Variants in ST7L observed in about 807,000 individuals in gnomAD.
ST7L encodes the protein suppressor of tumorigenicity 7 protein-like.
A neutral mutation model predicts 72.5 loss-of-function variants in ST7L; 57 were observed. The observed-to-expected ratio is 0.79, with a 90% CI of 0.64 to 0.98. The LOEUF (loss-of-function observed/expected upper bound fraction) is 0.98. ST7L is among the 50% of genes least tolerant of loss of function. The pLI, the probability that ST7L is intolerant of heterozygous loss-of-function variation, is 0.00. For synonymous variants in ST7L, 221 were observed against 240.9 expected, an observed-to-expected ratio of 0.92 and a Z score of 0.77; for missense variants, 576 against 672.2, an observed-to-expected ratio of 0.86 and a Z score of 1.58.
intron 6 of ST7L, among the ~76,000 whole-genome samples, chr1:112,584,453 A>G (rs1184751044): frequency 1.3e-5 from 2 of 151,878 alleles, no homozygotes; most frequent in Non-Finnish European, 2.9e-5. Flanking sequence ...AAGATTTATA[A>G]AGAATTATCT....
Position 112,525,721 on chromosome 1 carries a change from G to A in ST7L, c.*292C>T. The A allele has an allele frequency of 3.8e-6, 1 of 264,926 alleles. No individual in the cohort carries two copies. The highest frequency in any genetic ancestry group is 7.2e-6 in the Non-Finnish European group (1 of 138,834). The allele number at this position is 264,926 out of a possible 1,614,324, so 16.4% of individuals were successfully genotyped here. ...TTGACCAAAGGAGCCAAAATGCGGT[G>A]ACTTGACTTCAACCCCAACAGCCCC... On this transcript the variant is annotated 3_prime_UTR_variant, in exon 15 of 15. Transcript: ENST00000358039.
intron 2 of ST7L, among the ~76,000 whole-genome samples, 165 bp from the exon 3 acceptor site, chr1:112,611,168 C>A (rs879384885): frequency 5.9e-5 from 9 of 152,100 alleles, no homozygotes; most frequent in Admixed American, 1.3e-4. Context: ...TAACATGTCA[C>A]GTAAAAGTGA....
At chr1:112,540,181 G>T in intron 14 of ST7L, 8 of 985,354 alleles carry the variant, frequency 8.1e-6, no homozygotes, top group Non-Finnish European at 9.6e-6. Context: ...ATCTATTCCA[G>T]ATTCTAGATC....
At position 112,600,861 on chromosome 1, in the gene ST7L, G is replaced by T; in HGVS notation, c.452-13C>A. On this transcript the variant is annotated splice_polypyrimidine_tract_variant and intron_variant, in intron 3 of 14. Transcript: ENST00000358039. ...CATACCTTACATTCTGAAAAACAAG[G>T]GAGAAAAAGGGGGAAAAAGAGACAC... The T allele has an allele frequency of 6.2e-7, 1 of 1,602,586 alleles. No homozygotes were observed. The highest frequency in any genetic ancestry group is 1.1e-5 in the South Asian group (1 of 89,704).
chr1:112,552,295 A>C (rs1409821763), intron 12 of ST7L, among the ~76,000 whole-genome samples: 1 of 152,222 alleles, frequency 6.6e-6, no homozygotes, highest in East Asian at 1.9e-4. Flanking sequence ...ATAATGTTGA[A>C]TGAAACAACA....
intron 5 of ST7L, 140 bp from the exon 6 acceptor site, chr1:112,591,743 C>T: frequency 2.0e-6 from 1 of 496,008 alleles, no homozygotes; most frequent in Non-Finnish European, 3.5e-6. Flanking sequence ...GTTATTAGTT[C>T]ACATTATCTA....
At chr1:112,562,491 G>A (rs1369729286) in intron 11 of ST7L, among the ~76,000 whole-genome samples, 1 of 152,106 alleles carries the variant, frequency 6.6e-6, no homozygotes, top group African/African-American at 2.4e-5. Context: ...AAGGAACAGA[G>A]AAGAGAAAGC....
intron 4 of ST7L, among the ~76,000 whole-genome samples, chr1:112,599,480 C>T (rs1469612127): frequency 6.6e-6 from 1 of 152,082 alleles, no homozygotes; most frequent in Non-Finnish European, 1.5e-5. Context: ...CTGGGTAAAA[C>T]GCAGCACTCC....
chr1:112,570,757 C>T (rs981774670), intron 11 of ST7L: 1 of 456,052 alleles, frequency 2.2e-6, no homozygotes, highest in South Asian at 1.6e-5. Context: ...AATTGTAAAA[C>T]CCTAGCAAAA....
rs550833295 is a variant in ST7L, at chr1:112,585,153, A to G, written c.702-1027T>C. On this transcript the variant is annotated intron_variant, in intron 6 of 14. Coordinates refer to ENST00000358039, the MANE Select transcript of ST7L (RefSeq NM_017744.5). The stretch of plus-strand genomic sequence containing the variant: ...GTATCTTTTAAGTCAACACCTGGCT[A>G]ATAAACTAATGCTTGTTTTGGGGCC... 5.3e-5 allele frequency among the ~76,000 whole-genome samples: 8 copies of G among 152,346 alleles called. No individual in the cohort carries two copies. The South Asian group carries it at 1.7e-3, about 32-fold the overall frequency.
At chr1:112,576,487 A>G (rs1322726327) in intron 11 of ST7L, among the ~76,000 whole-genome samples, 1 of 152,170 alleles carries the variant, frequency 6.6e-6, no homozygotes, top group Non-Finnish European at 1.5e-5. Context: ...AAGCAAGTAT[A>G]TAGACTCATT....
Position 112,525,748 on chromosome 1 carries a change from G to GT in ST7L, c.*264dup. 2.9e-6 allele frequency: 1 copy of GT among 344,162 alleles called. No individual in the cohort carries two copies. Among genetic ancestry groups the GT allele is most frequent in the African/African-American group, 2.1e-5 (1 of 48,490 alleles). The allele number at this position is 344,162 out of a possible 1,614,324, so 21.3% of individuals were successfully genotyped here. A position where few individuals can be genotyped will look rare whatever the true frequency, so the allele number is the denominator to read the frequency against. ...CTTGACTTCAACCCCAACAGCCCCT[G>GT]TAAGTAGCCCTGGCCAAACAGAAAG... is the stretch of plus-strand genomic sequence containing the variant. On this transcript the variant is annotated 3_prime_UTR_variant, in exon 15 of 15. Coordinates refer to ENST00000358039, the MANE Select transcript of ST7L (RefSeq NM_017744.5).
rs1368517361 is a variant in ST7L at position 112,555,916 on chromosome 1, T to C, written c.1348A>G (p.Lys450Glu). The C allele has an allele frequency of 6.2e-7, 1 of 1,612,306 alleles. No individual in the cohort carries two copies. The stretch of plus-strand genomic sequence containing the variant: ...AGATTAAGAGCACCTTCTATTCGTT[T>C]CCAGTGCTGAAGATGAAAGAAAGCA... ...AYAFFHLQHW[K>E]RIEGALNLLQ... Residue 450 changes from lysine to glutamate, a missense_variant, in exon 12 of 15, where the codon AAA becomes GAA. Physicochemically the swap from Lys to Glu is moderately conservative, Grantham distance 56 (BLOSUM62 1). Around this residue, in one of 3 missense-constraint regions of ST7L, gnomAD observed 511 missense variants for 600.7 expected, o/e 0.85. Coordinates refer to ENST00000358039, the MANE Select transcript of ST7L (RefSeq NM_017744.5).
intron 13 of ST7L, among the ~76,000 whole-genome samples, chr1:112,544,477 A>T (rs909082389): frequency 3.3e-5 from 5 of 152,256 alleles, no homozygotes; most frequent in African/African-American, 7.2e-5. Flanking sequence ...GAAACTGTAG[A>T]GAACATTGTG....
intron 12 of ST7L, among the ~76,000 whole-genome samples, chr1:112,553,322 C>G (rs1382336264): frequency 6.6e-6 from 1 of 152,078 alleles, no homozygotes; most frequent in Non-Finnish European, 1.5e-5. Context: ...TCAAGTGATC[C>G]TCCTGCCTCA....
chr1:112,574,497 A>G (rs1305489569), intron 11 of ST7L, among the ~76,000 whole-genome samples: 1 of 151,720 alleles, frequency 6.6e-6, no homozygotes, highest in East Asian at 2.0e-4. Context: ...GTCTCTACTA[A>G]AAATACAAAA....
intron 6 of ST7L, among the ~76,000 whole-genome samples, chr1:112,584,345 CTT>C (rs1335732337): frequency 4.8e-5 from 7 of 145,654 alleles, no homozygotes; most frequent in African/African-American, 1.3e-4. Flanking sequence ...TTTCCCTTCT[CTT>C]TGTTTTTTAA....
At chr1:112,520,276 C>G (rs751171717), downstream of ST7L, 5 of 1,613,178 alleles carry the variant, frequency 3.1e-6, no homozygotes, top group South Asian at 2.2e-5. Flanking sequence ...CTTCCCCAAC[C>G]CAGGTTCCCT....
chr1:112,536,938 G>GT (rs1303222906), intron 14 of ST7L, among the ~76,000 whole-genome samples: 1 of 151,630 alleles, frequency 6.6e-6, no homozygotes, highest in Non-Finnish European at 1.5e-5. Context: ...ACCTTTACCT[G>GT]TAACACCCTT....
Sources: gnomAD v4.1 joint callset for allele counts (sites outside exome capture counted in the v4.1 genomes callset) on GRCh38, gnomAD v4.1.1 for gene constraint, gnomAD v4.1.1 regional missense constraint, MANE v1.5 for transcripts, NCBI Gene and HGNC (gene_info 2026-07-23, HGNC 2026-07-21) for gene names.